Variants in MMS19 observed in about 807,000 individuals in gnomAD.
MMS19 encodes the protein MMS19 cytosolic iron-sulfur assembly component.
In MMS19, 77 loss-of-function variants were observed where a neutral mutation model predicts 129.8. The ratio of observed to expected loss-of-function variants is 0.59; its 90% CI spans 0.49 to 0.72. The LOEUF is 0.72. MMS19 is among the 30% of genes least tolerant of loss of function. MMS19 has a pLI of 0.00. For missense variants in MMS19, 1,168 were observed against 1,266.3 expected, an observed-to-expected ratio of 0.92 and a Z score of 1.18; for synonymous variants, 491 against 502.8, an observed-to-expected ratio of 0.98 and a Z score of 0.31.
intron 2 of MMS19, among the ~76,000 whole-genome samples, chr10:97,483,050 G>A (rs563052131): frequency 2.0e-5 from 3 of 151,802 alleles, no homozygotes; most frequent in South Asian, 2.1e-4. Flanking sequence ...ATGAGCCACC[G>A]CACCTGGCCT....
At chr10:97,475,477 C>T (rs1195959214) in intron 8 of MMS19, among the ~76,000 whole-genome samples, 1 of 152,230 alleles carries the variant, frequency 6.6e-6, no homozygotes, top group Non-Finnish European at 1.5e-5. Context: ...TGGCCCACGC[C>T]TGTAATCCCA....
At chr10:97,491,393 G>A (rs1458408153) in intron 1 of MMS19, among the ~76,000 whole-genome samples, 2 of 152,198 alleles carry the variant, frequency 1.3e-5, no homozygotes, top group South Asian at 2.1e-4. Flanking sequence ...AAGGCCGGGC[G>A]TGGTGGCTCA....
At chr10:97,475,364 T>C (rs952096972) in intron 8 of MMS19, among the ~76,000 whole-genome samples, 3 of 152,228 alleles carry the variant, frequency 2.0e-5, no homozygotes, top group Non-Finnish European at 4.4e-5. Flanking sequence ...AAAAAGATGG[T>C]AGGGAGATTT....
intron 1 of MMS19, among the ~76,000 whole-genome samples, chr10:97,484,917 C>T (rs2037544939): frequency 6.6e-6 from 1 of 151,762 alleles, no homozygotes; most frequent in African/African-American, 2.4e-5. Flanking sequence ...TAGCTGGGAC[C>T]AAAGGCATGT....
intron 19 of MMS19, 77 bp from the exon 20 acceptor site, chr10:97,462,759 A>G: frequency 8.9e-7 from 1 of 1,129,126 alleles, no homozygotes; most frequent in Non-Finnish European, 1.3e-6. Context: ...TTCTGTCAGC[A>G]TCACTGACTC....
At position 97,460,902 on chromosome 10, in the gene MMS19, C is replaced by T; in HGVS notation, c.2412+5G>A. ...GGCTAACCAGACTCCACTCCAACTC[C>T]TTACCCAGAGAAGAAGAGTGAAGGC... On this transcript the variant is annotated splice_donor_5th_base_variant and intron_variant, in intron 24 of 30. Transcript: ENST00000438925. The T allele has an allele frequency of 1.9e-6, 3 of 1,574,136 alleles. No homozygotes were observed. The highest frequency in any genetic ancestry group is 2.6e-6 in the Non-Finnish European group (3 of 1,158,480).
intron 16 of MMS19, 111 bp downstream of exon 16, chr10:97,466,393 C>A: frequency 2.2e-6 from 2 of 920,412 alleles, no homozygotes; most frequent in Admixed American, 1.9e-5. Flanking sequence ...CTCACCTCCC[C>A]TAAGGAGAGC....
At chr10:97,460,405 T>C (rs2031448010) in intron 25 of MMS19, 173 bp from the exon 26 acceptor site, 2 of 639,540 alleles carry the variant, frequency 3.1e-6, no homozygotes, top group Non-Finnish European at 5.3e-6. Flanking sequence ...ACCCAGTTCT[T>C]ACAAAAAATA....
chr10:97,467,397 A>G, intron 14 of MMS19, 108 bp downstream of exon 14: 1 of 739,512 alleles, frequency 1.4e-6, no homozygotes, highest in Non-Finnish European at 2.3e-6. Context: ...ACCTCAGAAT[A>G]GGACCACTGT....
intron 19 of MMS19, 75 bp from the exon 20 acceptor site, chr10:97,462,757 GCAT>G: frequency 1.7e-6 from 2 of 1,159,908 alleles, no homozygotes; most frequent in Non-Finnish European, 2.6e-6. Flanking sequence ...GGTTCTGTCA[GCAT>G]CACTGACTCT....
chr10:97,458,436 CAT>C lies in MMS19; in HGVS notation c.*254_*255del, dbSNP rs2030476582. The C allele has an allele frequency of 2.0e-6, 1 of 494,772 alleles. No individual in the cohort carries two copies. The highest frequency in any genetic ancestry group is 3.6e-6 in the Non-Finnish European group (1 of 279,880). The allele number at this position is 494,772 out of a possible 1,614,324, so 30.6% of individuals were successfully genotyped here. A position where few individuals can be genotyped will look rare whatever the true frequency, so the allele number is the denominator to read the frequency against. On this transcript the variant is annotated 3_prime_UTR_variant, in exon 31 of 31. Transcript: ENST00000438925. ...CAGCAGCATATCGCCCCTTTTCTGACATATAAATGCAAGAGACCCAGGACCCT... is the reference window on the plus strand; with the variant it reads ...CAGCAGCATATCGCCCCTTTTCTGACATAAATGCAAGAGACCCAGGACCCT...
At chr10:97,498,673 G>C (rs2040255179), upstream of MMS19, 1 of 454,206 alleles carries the variant, frequency 2.2e-6, no homozygotes. Context: ...ACCTGGCTGG[G>C]TGGGGAGAGG....
intron 1 of MMS19, among the ~76,000 whole-genome samples, chr10:97,492,978 C>A (rs2039182959): frequency 6.6e-6 from 1 of 151,792 alleles, no homozygotes; most frequent in Non-Finnish European, 1.5e-5. Flanking sequence ...TTGGGGAAGT[C>A]CATAGTCTGT....
chr10:97,491,087 G>T (rs1053248059), intron 1 of MMS19, among the ~76,000 whole-genome samples: 2 of 152,172 alleles, frequency 1.3e-5, no homozygotes, highest in Non-Finnish European at 2.9e-5. Context: ...TACTTTCTTG[G>T]AACAGCCTGG....
At chr10:97,486,764 A>C (rs1474996696) in intron 1 of MMS19, among the ~76,000 whole-genome samples, 1 of 151,160 alleles carries the variant, frequency 6.6e-6, no homozygotes, top group Non-Finnish European at 1.5e-5. Flanking sequence ...CAAGATGACA[A>C]ATTTCCCAAA....
chr10:97,498,568 C>T (rs1027216029), upstream of MMS19: 7 of 689,418 alleles, frequency 1.0e-5, no homozygotes, highest in African/African-American at 1.1e-4. Flanking sequence ...GCGGTGGCAC[C>T]GAGAGGGAAG....
At chr10:97,466,664 C>A in intron 15 of MMS19, 79 bp from the exon 16 acceptor site, 3 of 1,584,582 alleles carry the variant, frequency 1.9e-6, no homozygotes, top group Non-Finnish European at 1.7e-6. Context: ...TATTAGAAAT[C>A]CCAAATCATC....
intron 1 of MMS19, among the ~76,000 whole-genome samples, chr10:97,488,439 C>G (rs1316335263): frequency 1.3e-5 from 2 of 152,180 alleles, no homozygotes; most frequent in Non-Finnish European, 2.9e-5. Context: ...AGTTTATCCT[C>G]TAGCTATCTA....
chr10:97,476,542 A>G (rs2035815199), intron 8 of MMS19, 141 bp downstream of exon 8: 8 of 701,766 alleles, frequency 1.1e-5, no homozygotes, highest in Non-Finnish European at 1.9e-5. Context: ...ATGCTTTTCC[A>G]TTTCCTAGTT....
Sources: allele counts gnomAD v4.1 joint callset (sites outside exome capture counted in the v4.1 genomes callset), GRCh38; gene constraint gnomAD v4.1.1; transcripts MANE v1.5; gene names NCBI Gene and HGNC (gene_info 2026-07-23, HGNC 2026-07-21).